Variants in GPR107 observed in about 807,000 individuals in gnomAD.
The protein encoded by GPR107 is protein GPR107.
A neutral mutation model predicts 75.5 loss-of-function variants in GPR107; 31 were observed. The ratio of observed to expected loss-of-function variants is 0.41; its 90% CI spans 0.31 to 0.55. The LOEUF (loss-of-function observed/expected upper bound fraction) is 0.55, where lower values mean the gene tolerates loss of function less well. GPR107 is among the 20% of genes least tolerant of loss of function. The pLI is 0.26. For synonymous variants in GPR107, 267 were observed against 251.3 expected (o/e 1.06, Z -0.59); for missense variants, 572 against 665.7 (o/e 0.86, Z 1.55).
At chr9:130,131,270 AG>A (rs1408426706) in intron 17 of GPR107, among the ~76,000 whole-genome samples, 2 of 152,068 alleles carry the variant, frequency 1.3e-5, no homozygotes, top group East Asian at 1.9e-4. Flanking sequence ...CCCTGTCTGC[AG>A]GGGGCTAGCC....
intron 1 of GPR107, among the ~76,000 whole-genome samples, chr9:130,068,056 T>C (rs930354579): frequency 6.6e-6 from 1 of 150,984 alleles, no homozygotes; most frequent in Non-Finnish European, 1.5e-5. Flanking sequence ...GGTAGTCTTA[T>C]TCTTGTTTTC....
intron 14 of GPR107, among the ~76,000 whole-genome samples, chr9:130,115,773 A>C (rs1831414059): frequency 6.6e-6 from 1 of 151,732 alleles, no homozygotes; most frequent in South Asian, 2.1e-4. Flanking sequence ...AAAAAAAAAA[A>C]AAAAAAAAAA....
At chr9:130,125,267 A>T (rs1831647145) in intron 15 of GPR107, among the ~76,000 whole-genome samples, 3 of 151,756 alleles carry the variant, frequency 2.0e-5, no homozygotes, top group South Asian at 4.2e-4. Context: ...TTTTTAGTAG[A>T]GACAGGGTTT....
At chr9:130,122,998 A>C (rs1045566879) in intron 14 of GPR107, among the ~76,000 whole-genome samples, 1 of 152,154 alleles carries the variant, frequency 6.6e-6, no homozygotes, top group African/African-American at 2.4e-5. Flanking sequence ...CTCTCAAAAA[A>C]AACAACAACA....
intron 14 of GPR107, among the ~76,000 whole-genome samples, chr9:130,123,859 G>A (rs1309879022): frequency 1.3e-5 from 2 of 152,138 alleles, no homozygotes; most frequent in African/African-American, 4.8e-5. Flanking sequence ...GAAAGCTGCT[G>A]CGATTTTGCA....
intron 6 of GPR107, among the ~76,000 whole-genome samples, chr9:130,084,328 G>A (rs1366635809): frequency 6.6e-6 from 1 of 151,526 alleles, no homozygotes; most frequent in Non-Finnish European, 1.5e-5. Flanking sequence ...AACCTGGGAG[G>A]CAGAGGCTTC....
Position 130,075,680 on chromosome 9 carries a change from C to A in GPR107, c.186C>A (p.Phe62Leu). 6.2e-7 allele frequency: 1 copy of A among 1,609,366 alleles called. No homozygotes were observed. Among genetic ancestry groups the A allele is most frequent in the Non-Finnish European group, 8.5e-7 (1 of 1,175,814 alleles). Residue 62 changes from phenylalanine to leucine, a missense_variant, in exon 2 of 18, where the codon TTC becomes TTA. Transcript: ENST00000347136. ...TTCATCTGAACACCTTTGGCTTCTTCAAGGATGGGTACATGGTGGTGAATG... is the reference window on the plus strand; with the variant it reads ...TTCATCTGAACACCTTTGGCTTCTTAAAGGATGGGTACATGGTGGTGAATG... ...HKVHLNTFGF[F>L]KDGYMVVNVS... is the part of the protein sequence containing the mutation.
intron 14 of GPR107, among the ~76,000 whole-genome samples, chr9:130,110,056 T>G (rs531723857): frequency 6.6e-6 from 1 of 152,298 alleles, no homozygotes; most frequent in South Asian, 2.1e-4. Flanking sequence ...GTTGATGAAT[T>G]CCTCCCTTCT....
In GPR107 at chr9:130,083,558, C is replaced by T. The variant is rs371311302; in HGVS notation, c.527-7C>T. The T allele has an allele frequency of 8.6e-6, 13 of 1,513,484 alleles. No individual in the cohort carries two copies. In the African/African-American group the frequency reaches 1.4e-4, roughly 17 times the overall value. The allele number at this position is 1,513,484 out of a possible 1,614,324, so 93.8% of individuals were successfully genotyped here. A position where few individuals can be genotyped will look rare whatever the true frequency, so the allele number is the denominator to read the frequency against. On this transcript the variant is annotated splice_region_variant and splice_polypyrimidine_tract_variant and intron_variant, in intron 5 of 17. Transcript: ENST00000347136. The stretch of plus-strand genomic sequence containing the variant: ...CAGCACTCTCTTTTAAATGTTCTTG[C>T]TTCTAGATGGTGGAAAGTCTAAAAG...
At chr9:130,063,729 C>T (rs1025112830) in intron 1 of GPR107, among the ~76,000 whole-genome samples, 1 of 150,562 alleles carries the variant, frequency 6.6e-6, no homozygotes, top group Non-Finnish European at 1.5e-5. Flanking sequence ...CCAGTGATTG[C>T]TTTGTCTTTT....
intron 5 of GPR107, chr9:130,083,350 C>A (rs1021068807): frequency 2.7e-6 from 1 of 364,502 alleles, no homozygotes; most frequent in Admixed American, 4.6e-5. Context: ...TTACCGGTTA[C>A]TAGATACCAT....
intron 14 of GPR107, among the ~76,000 whole-genome samples, chr9:130,113,304 C>G (rs995996126): frequency 6.7e-6 from 1 of 149,412 alleles, no homozygotes; most frequent in South Asian, 2.1e-4. Flanking sequence ...ACAATCTCAG[C>G]TCACTGCAGC....
At chr9:130,102,462 A>T (rs951069728) in intron 12 of GPR107, among the ~76,000 whole-genome samples, 4 of 152,208 alleles carry the variant, frequency 2.6e-5, no homozygotes, top group Non-Finnish European at 5.9e-5. Context: ...CTTCCCTGAA[A>T]GACAGACACA....
At chr9:130,114,494 C>T (rs1411791989) in intron 14 of GPR107, 1 of 355,492 alleles carries the variant, frequency 2.8e-6, no homozygotes, top group African/African-American at 2.2e-5. Context: ...GTGATCGTCT[C>T]ATCTTAGTCT....
Position 130,099,561 on chromosome 9 carries a change from A to G in GPR107, c.939+29A>G, listed in dbSNP as rs2286793. Reference sequence around the variant, plus strand: ...TGTATTAGCATTTTGAGGATCATTCATGAAATTACGTATAATGCCTGTGTG... The same window carrying G: ...TGTATTAGCATTTTGAGGATCATTCGTGAAATTACGTATAATGCCTGTGTG... On this transcript the variant is annotated intron_variant, in intron 10 of 17. Coordinates refer to ENST00000347136, the MANE Select transcript of GPR107 (RefSeq NM_020960.5). 2,381 of 1,306,494 alleles carry G rather than the reference A, an allele frequency of 1.8e-3. 60 individuals are homozygous for G. In the East Asian group the frequency reaches 0.046, roughly 25 times the overall value. The allele number at this position is 1,306,494 out of a possible 1,614,324, so 80.9% of individuals were successfully genotyped here.
chr9:130,099,032 C>T (rs922618934), intron 9 of GPR107, among the ~76,000 whole-genome samples: 10 of 151,756 alleles, frequency 6.6e-5, no homozygotes, highest in Non-Finnish European at 1.2e-4. Flanking sequence ...AAAGTTTTAG[C>T]TGGGTACAGT....
intron 7 of GPR107, among the ~76,000 whole-genome samples, chr9:130,087,365 A>C (rs1421561869): frequency 1.3e-5 from 2 of 152,030 alleles, no homozygotes; most frequent in African/African-American, 4.8e-5. Flanking sequence ...CTCACTGTTT[A>C]ATCATCTAAA....
At chr9:130,064,899 A>C (rs1830032484) in intron 1 of GPR107, among the ~76,000 whole-genome samples, 1 of 152,144 alleles carries the variant, frequency 6.6e-6, no homozygotes, top group African/African-American at 2.4e-5. Flanking sequence ...GAAAGAGGCA[A>C]GGAAGGATTC....
rs10578697 is a variant in GPR107 at position 130,062,420 on chromosome 9, G to GATAATAATAATAATA, written c.141+8372_141+8386dup. ...AAGAGCAAGACCCTGTCTCGAAAATGATAATAATAATAATAATAATAATAA... is the reference window on the plus strand; with the variant it reads ...AAGAGCAAGACCCTGTCTCGAAAATGATAATAATAATAATAATAATAATAATAATAATAATAATAA... On this transcript the variant is annotated intron_variant, in intron 1 of 17. Coordinates refer to ENST00000347136, the MANE Select transcript of GPR107 (RefSeq NM_020960.5). Among the ~76,000 whole-genome samples the GATAATAATAATAATA allele has an allele frequency of 6.3e-3, 885 of 139,854 alleles. 7 individuals carry two copies. Among genetic ancestry groups the GATAATAATAATAATA allele is most frequent in the Non-Finnish European group, 8.0e-3 (522 of 65,382 alleles). 91.7% of individuals were successfully genotyped at this position (139,854 alleles called of 152,430 possible).
Sources: gnomAD v4.1 joint callset for allele counts (sites outside exome capture counted in the v4.1 genomes callset) on GRCh38, gnomAD v4.1.1 for gene constraint, MANE v1.5 for transcripts, NCBI Gene and HGNC (gene_info 2026-07-23, HGNC 2026-07-21) for gene names.